The following MINDY4 variants were observed in gnomAD, a reference collection of about 807,000 sequenced individuals.
MINDY4 encodes MINDY lysine 48 deubiquitinase 4.
MINDY4 carries 68 observed loss-of-function variants against 87.0 expected under a neutral mutation model. That is an observed-to-expected ratio of 0.78 (90% CI 0.64 to 0.96). MINDY4 has a LOEUF of 0.96. Among genes scored for constraint, MINDY4 ranks in the 40% least tolerant of loss-of-function variants. The pLI is 0.00. For missense variants in MINDY4, 919 were observed against 928.2 expected (o/e 0.99, Z 0.13); for synonymous variants, 379 against 363.2 (o/e 1.04, Z -0.50).
At chr7:30,846,413 A>T (rs1336821209) in intron 9 of MINDY4, among the ~76,000 whole-genome samples, 5 of 152,224 alleles carry the variant, frequency 3.3e-5, no homozygotes, top group Admixed American at 3.3e-4. Context: ...CCCTATCTCT[A>T]GATAAATGTC....
At chr7:30,876,100 A>G (rs1323312791) in intron 15 of MINDY4, among the ~76,000 whole-genome samples, 1 of 152,106 alleles carries the variant, frequency 6.6e-6, no homozygotes, top group Non-Finnish European at 1.5e-5. Context: ...GTCCAAGATC[A>G]AGGTGTCAGA....
At chr7:30,828,250 GAAAC>G (rs551756217) in intron 5 of MINDY4, among the ~76,000 whole-genome samples, 15 of 151,870 alleles carry the variant, frequency 9.9e-5, no homozygotes, top group East Asian at 3.9e-4. Flanking sequence ...TAGGAGAGAG[GAAAC>G]AAACAAACAA....
rs529615568 is a variant in MINDY4, at chr7:30,828,900, G to T, written c.1132+163G>T. Among the ~76,000 whole-genome samples, 11 of 152,162 alleles carry T rather than the reference G, an allele frequency of 7.2e-5. No individual in the cohort carries two copies. The East Asian group carries it at 1.9e-3, about 27-fold the overall frequency. On this transcript the variant is annotated intron_variant, in intron 6 of 17. Coordinates refer to ENST00000265299, the MANE Select transcript of MINDY4 (RefSeq NM_032222.3). Reference sequence around the variant, plus strand: ...GTAGACTACTCTCTCTCTGATTGATGTCTTCTACTGCTTGCCCTTCTCTCC... The same window carrying T: ...GTAGACTACTCTCTCTCTGATTGATTTCTTCTACTGCTTGCCCTTCTCTCC...
At chr7:30,846,262 G>A (rs1789214388) in intron 9 of MINDY4, among the ~76,000 whole-genome samples, 2 of 152,214 alleles carry the variant, frequency 1.3e-5, no homozygotes, top group Admixed American at 1.3e-4. Flanking sequence ...TATAGACTCT[G>A]TACATGGCTC....
Position 30,782,087 on chromosome 7 carries a change from C to G in MINDY4, c.294C>G (p.Leu98=). The change falls in exon 3 of 18, where the codon CTC becomes CTG. Residue 98 remains leucine (L), a synonymous_variant. Transcript: ENST00000265299. ...NFTQDTPIPA[L]SVPKKNNKVP... is the part of the protein sequence containing the mutation. Reference sequence around the variant, plus strand: ...CTCAAGATACCCCAATCCCTGCACTCTCAGTTCCAAAGAAAAATAACAAAG... The same window carrying G: ...CTCAAGATACCCCAATCCCTGCACTGTCAGTTCCAAAGAAAAATAACAAAG... The G allele has an allele frequency of 6.2e-7, 1 of 1,614,104 alleles. No homozygotes were observed. Among genetic ancestry groups the G allele is most frequent in the Non-Finnish European group, 8.5e-7 (1 of 1,180,012 alleles).
At position 30,850,388 on chromosome 7, in the gene MINDY4, G is replaced by A. The variant is rs1333996057; in HGVS notation, c.1446-66G>A. 9 of 1,451,678 alleles carry A rather than the reference G, an allele frequency of 6.2e-6. No individual in the cohort carries two copies. In the Admixed American group the frequency reaches 9.5e-5, roughly 15 times the overall value. 89.9% of individuals were successfully genotyped at this position (1,451,678 alleles called of 1,614,324 possible). A position where few individuals can be genotyped will look rare whatever the true frequency, so the allele number is the denominator to read the frequency against. ...GGAGGGGACTGCCTGACCACACTAAGTAGAGCTGCACCATCTCAACCTTGT... is the reference window on the plus strand; with the variant it reads ...GGAGGGGACTGCCTGACCACACTAAATAGAGCTGCACCATCTCAACCTTGT... On this transcript the variant is annotated intron_variant, in intron 9 of 17. Coordinates refer to ENST00000265299, the MANE Select transcript of MINDY4 (RefSeq NM_032222.3).
At chr7:30,859,002 A>T (rs1789665287) in intron 12 of MINDY4, 1 of 698,406 alleles carries the variant, frequency 1.4e-6, no homozygotes, top group Non-Finnish European at 2.7e-6. Flanking sequence ...GTGAGTTTTG[A>T]GGACTCTGAG....
chr7:30,791,479 C>G lies in MINDY4; in HGVS notation c.978C>G (p.Pro326=), dbSNP rs768406432. The G allele has an allele frequency of 6.2e-7, 1 of 1,614,030 alleles. No individual in the cohort carries two copies. The highest frequency in any genetic ancestry group is 1.7e-5 in the Admixed American group (1 of 60,016). ...GCAGCACAGACACGGACAGGATGCC[C>G]TTGAAGCTCTACTTGCCTGGTGGTA... ...VDGSTDTDRM[P]LKLYLPGGNS... Residue 326 remains proline, a synonymous_variant, in exon 5 of 18, where the codon CCC becomes CCG. Transcript: ENST00000265299.
chr7:30,861,971 G>A (rs189185381), intron 13 of MINDY4, among the ~76,000 whole-genome samples: 2 of 152,364 alleles, frequency 1.3e-5, no homozygotes, highest in African/African-American at 2.4e-5. Flanking sequence ...ACCAAGCCCC[G>A]CCCAGGGGCA....
intron 15 of MINDY4, among the ~76,000 whole-genome samples, chr7:30,880,485 G>T (rs1790430140): frequency 6.6e-6 from 1 of 152,118 alleles, no homozygotes; most frequent in Non-Finnish European, 1.5e-5. Flanking sequence ...ACTTCTGCAT[G>T]GCAAGCTGCA....
At position 30,859,060 on chromosome 7, in the gene MINDY4, G is replaced by A. The variant is rs577710790; in HGVS notation, c.1678-197G>A. 1.3e-5 allele frequency: 9 copies of A among 715,820 alleles called. No individual in the cohort carries two copies. In the East Asian group the frequency reaches 1.9e-4, roughly 15 times the overall value. The allele number at this position is 715,820 out of a possible 1,614,324, so 44.3% of individuals were successfully genotyped here. On this transcript the variant is annotated intron_variant, in intron 12 of 17. Coordinates refer to ENST00000265299, the MANE Select transcript of MINDY4 (RefSeq NM_032222.3). ...GCCCCTGCATCACCCTCGCTCTGCT[G>A]TCATTGTCATTCAGGTTGTTGCAAT...
intron 6 of MINDY4, among the ~76,000 whole-genome samples, chr7:30,834,187 A>G (rs1414807130): frequency 1.3e-5 from 2 of 152,224 alleles, no homozygotes; most frequent in Non-Finnish European, 2.9e-5. Flanking sequence ...GAGGTTCTCC[A>G]TGAGGGCCCC....
At chr7:30,775,704 C>G (rs756210791) in intron 1 of MINDY4, among the ~76,000 whole-genome samples, 6 of 152,098 alleles carry the variant, frequency 3.9e-5, no homozygotes, top group Admixed American at 2.0e-4. Flanking sequence ...CTAGGGGTCC[C>G]CATCCACTAG....
chr7:30,817,366 C>CTTTTT (rs572880227), intron 5 of MINDY4, among the ~76,000 whole-genome samples: 1 of 114,168 alleles, frequency 8.8e-6, no homozygotes, highest in East Asian at 2.5e-4. Context: ...TTGGGTTTGT[C>CTTTTT]TTTTTTTTTT....
intron 14 of MINDY4, among the ~76,000 whole-genome samples, chr7:30,873,490 CTTTGAATG>C (rs1289443512): frequency 1.3e-4 from 20 of 152,346 alleles, no homozygotes; most frequent in Admixed American, 8.5e-4. Flanking sequence ...GCTGCTTACA[CTTTGAATG>C]AATCCCCTAG....
At chr7:30,843,910 G>A (rs975461146) in intron 9 of MINDY4, among the ~76,000 whole-genome samples, 1 of 152,162 alleles carries the variant, frequency 6.6e-6, no homozygotes, top group Admixed American at 6.5e-5. Flanking sequence ...GTGCCAAGGA[G>A]CCAGACCTTA....
intron 13 of MINDY4, among the ~76,000 whole-genome samples, chr7:30,870,505 C>T (rs1016527660): frequency 2.0e-5 from 3 of 152,190 alleles, no homozygotes; most frequent in Admixed American, 6.5e-5. Flanking sequence ...TCCCAGAAGA[C>T]CCCCAAGCCT....
intron 8 of MINDY4, among the ~76,000 whole-genome samples, chr7:30,839,704 G>A (rs1409517773): frequency 6.6e-6 from 1 of 152,102 alleles, no homozygotes; most frequent in African/African-American, 2.4e-5. Context: ...TGGAGAAAGG[G>A]CACTCCAGGC....
intron 15 of MINDY4, among the ~76,000 whole-genome samples, chr7:30,881,132 C>T (rs1236619543): frequency 6.6e-6 from 1 of 152,148 alleles, no homozygotes; most frequent in East Asian, 1.9e-4. Flanking sequence ...TCAGCCTGGC[C>T]CGTGGCACGT....
Sources: gnomAD v4.1 joint callset for allele counts (sites outside exome capture counted in the v4.1 genomes callset) on GRCh38, gnomAD v4.1.1 for gene constraint, MANE v1.5 for transcripts, NCBI Gene and HGNC (gene_info 2026-07-23, HGNC 2026-07-21) for gene names.